Variants in IQCM observed in about 807,000 individuals in gnomAD.
The protein encoded by IQCM is IQ motif containing M.
In IQCM, 45 loss-of-function variants were observed where a neutral mutation model predicts 57.6. The observed-to-expected ratio is 0.78, with a 90% CI of 0.62 to 1.00. The LOEUF (loss-of-function observed/expected upper bound fraction) is 1.00, where lower values mean the gene tolerates loss of function less well. Among genes scored for constraint, IQCM ranks in the 50% least tolerant of loss-of-function variants. IQCM has a pLI of 0.00. For synonymous variants in IQCM, 148 were observed against 158.9 expected, an observed-to-expected ratio of 0.93 and a Z score of 0.51; for missense variants, 468 against 511.6, an observed-to-expected ratio of 0.91 and a Z score of 0.82.
intron 13 of IQCM, among the ~76,000 whole-genome samples, chr4:149,405,891 T>TATATATATATATATATTTATCTCC (rs1732944937): frequency 9.0e-4 from 1 of 1,114 alleles, no homozygotes; most frequent in African/African-American, 3.2e-3. Flanking sequence ...TATATCTTCA[T>TATATATATATATATATTTATCTCC]ATATATATAT....
At chr4:149,571,169 G>A (rs1355585967) in intron 9 of IQCM, among the ~76,000 whole-genome samples, 3 of 152,026 alleles carry the variant, frequency 2.0e-5, no homozygotes, top group Admixed American at 6.6e-5. Flanking sequence ...AATGAAATCA[G>A]TTTGTCAGAG....
chr4:149,524,716 A>G lies in IQCM; in HGVS notation c.1228+23739T>C, dbSNP rs188934669. 1.8e-3 allele frequency among the ~76,000 whole-genome samples: 268 copies of G among 152,024 alleles called. 3 individuals are homozygous for G. Among genetic ancestry groups the G allele is most frequent in the Middle Eastern group, 3.4e-3 (1 of 294 alleles). ...ATAAAAGAGTGTAAATTCAAATCCT[A>G]GTGGTTTAAAATAATTAATCCCATA... On this transcript the variant is annotated intron_variant, in intron 12 of 13. Transcript: ENST00000636793.
intron 7 of IQCM, among the ~76,000 whole-genome samples, chr4:149,665,455 C>G (rs376171145): frequency 2.6e-5 from 4 of 152,150 alleles, no homozygotes; most frequent in Non-Finnish European, 5.9e-5. Context: ...GTGACTCACT[C>G]ACCTTTCTAT....
intron 12 of IQCM, among the ~76,000 whole-genome samples, chr4:149,461,852 A>T (rs1287830392): frequency 6.6e-6 from 1 of 151,590 alleles, no homozygotes; most frequent in Non-Finnish European, 1.5e-5. Context: ...TATATATATA[A>T]ATATCCTGAC....
chr4:149,746,750 A>G (rs1767972392), intron 2 of IQCM, among the ~76,000 whole-genome samples: 1 of 152,226 alleles, frequency 6.6e-6, no homozygotes, highest in African/African-American at 2.4e-5. Flanking sequence ...TTTCTAAAAC[A>G]CTATTATTCC....
At chr4:149,627,235 A>G (rs986022113) in intron 7 of IQCM, among the ~76,000 whole-genome samples, 1 of 152,216 alleles carries the variant, frequency 6.6e-6, no homozygotes, top group Non-Finnish European at 1.5e-5. Context: ...GGAATAGGAA[A>G]GTCTCCACCT....
chr4:149,719,062 A>G (rs1011848670), intron 5 of IQCM, among the ~76,000 whole-genome samples: 3 of 152,162 alleles, frequency 2.0e-5, no homozygotes, highest in African/African-American at 7.2e-5. Flanking sequence ...AGGTGTTTCC[A>G]GGCCAGGCAT....
At chr4:149,789,067 A>T (rs1772336278) in intron 2 of IQCM, among the ~76,000 whole-genome samples, 1 of 152,156 alleles carries the variant, frequency 6.6e-6, no homozygotes, top group Non-Finnish European at 1.5e-5. Context: ...TAGAAAGGGT[A>T]AGGTTTATTG....
At chr4:149,675,523 T>C (rs1761677423) in intron 7 of IQCM, among the ~76,000 whole-genome samples, 2 of 152,062 alleles carry the variant, frequency 1.3e-5, no homozygotes, top group South Asian at 2.1e-4. Context: ...ATTCTGAGTT[T>C]TTGCTGGCTA....
rs187483603 is a variant in IQCM, at chr4:149,731,537, A to C, written c.385+1707T>G. ...AGTCTCTAAATTTCTACCCCATCCT[A>C]AGGATTTTTGTCCAGTTTCTCAGTC... On this transcript the variant is annotated intron_variant, in intron 5 of 13. Coordinates refer to ENST00000636793, the MANE Select transcript of IQCM (RefSeq NM_001363507.2). Among the ~76,000 whole-genome samples the C allele has an allele frequency of 1.1e-4, 16 of 152,318 alleles. 1 individual carries two copies. The East Asian group carries it at 2.5e-3, about 24-fold the overall frequency.
chr4:149,614,686 A>G (rs1755623643), intron 8 of IQCM, among the ~76,000 whole-genome samples: 1 of 152,184 alleles, frequency 6.6e-6, no homozygotes, highest in South Asian at 2.1e-4. Context: ...GCCTGGGGCC[A>G]CACATAAAAT....
intron 12 of IQCM, among the ~76,000 whole-genome samples, chr4:149,433,830 C>T (rs569327060): frequency 1.7e-4 from 26 of 151,898 alleles, no homozygotes; most frequent in Non-Finnish European, 3.4e-4. Context: ...AGATACCCAA[C>T]GAACAGCATT....
chr4:149,708,556 GA>G (rs1283108224), intron 5 of IQCM, among the ~76,000 whole-genome samples: 1 of 151,946 alleles, frequency 6.6e-6, no homozygotes, highest in African/African-American at 2.4e-5. Flanking sequence ...GAGAAATAGG[GA>G]TAAAGATATT....
At chr4:149,607,090 AG>A (rs1470032044) in intron 8 of IQCM, among the ~76,000 whole-genome samples, 3 of 152,100 alleles carry the variant, frequency 2.0e-5, no homozygotes, top group Non-Finnish European at 4.4e-5. Flanking sequence ...ATTCAACCCA[AG>A]TAAGACTACC....
intron 10 of IQCM, among the ~76,000 whole-genome samples, chr4:149,560,226 T>C (rs1749991028): frequency 6.6e-6 from 1 of 152,236 alleles, no homozygotes; most frequent in Non-Finnish European, 1.5e-5. Flanking sequence ...AAGAATTCTA[T>C]AACCTCCAAA....
chr4:149,626,111 G>A (rs895437164), intron 7 of IQCM, among the ~76,000 whole-genome samples: 1 of 151,896 alleles, frequency 6.6e-6, no homozygotes, highest in Non-Finnish European at 1.5e-5. Flanking sequence ...TGAGTCAGTG[G>A]GGTGGGAAAG....
Position 149,815,522 on chromosome 4 carries a change from C to A in IQCM, c.-87+78G>T, listed in dbSNP as rs1029695458. On this transcript the variant is annotated intron_variant, in intron 1 of 13. Transcript: ENST00000636793. The stretch of plus-strand genomic sequence containing the variant: ...CCATGAGAAAAAAAAATGTGCCTTG[C>A]AGAAAGTGTGTAAAGCTTTTTATAA... The A allele has an allele frequency of 2.6e-5, 4 of 151,926 alleles. No individual in the cohort carries two copies. In the South Asian group the frequency reaches 8.3e-4, roughly 32 times the overall value. 9.4% of individuals were successfully genotyped at this position (151,926 alleles called of 1,614,324 possible).
At chr4:149,426,228 T>C (rs1486490542) in intron 13 of IQCM, among the ~76,000 whole-genome samples, 3 of 152,004 alleles carry the variant, frequency 2.0e-5, no homozygotes, top group African/African-American at 7.2e-5. Context: ...GTAAACACAC[T>C]TCTGAAAGCC....
chr4:149,759,076 C>T (rs543912835), intron 2 of IQCM, among the ~76,000 whole-genome samples: 17 of 152,194 alleles, frequency 1.1e-4, no homozygotes, highest in African/African-American at 3.4e-4. Flanking sequence ...AATTATTACT[C>T]GGTGCTAAAA....
Sources: allele counts gnomAD v4.1 joint callset (sites outside exome capture counted in the v4.1 genomes callset), GRCh38; gene constraint gnomAD v4.1.1; transcripts MANE v1.5; gene names NCBI Gene and HGNC (gene_info 2026-07-23, HGNC 2026-07-21).